MON2: variants seen among roughly 807,000 people sequenced by gnomAD.
The protein encoded by MON2 is MON2 regulator of endosome-to-Golgi trafficking.
A neutral mutation model predicts 208.6 loss-of-function variants in MON2; 84 were observed. The ratio of observed to expected loss-of-function variants is 0.40; its 90% CI spans 0.34 to 0.48. The LOEUF (loss-of-function observed/expected upper bound fraction) is 0.48. Ranked by LOEUF, MON2 falls within the 20% of genes least tolerant of loss-of-function variation. The pLI is 0.59. For synonymous variants in MON2, 660 were observed against 694.0 expected (o/e 0.95, Z 0.77); for missense variants, 1,611 against 2,015.4 (o/e 0.80, Z 3.84).
chr12:62,475,587 T>A (rs1179630128), intron 1 of MON2, among the ~76,000 whole-genome samples: 10 of 151,354 alleles, frequency 6.6e-5, no homozygotes, highest in Admixed American at 6.6e-4. Flanking sequence ...TTTAGTAATT[T>A]TGTATTTTAG....
At chr12:62,534,542 A>ATATATATAT (rs1306662466) in intron 12 of MON2, among the ~76,000 whole-genome samples, 3 of 22,852 alleles carry the variant, frequency 1.3e-4, no homozygotes, top group African/African-American at 5.9e-4. Context: ...AAAAAAAAAA[A>ATATATATAT]ATATATATAT....
chr12:62,565,511 T>G, intron 27 of MON2, 131 bp downstream of exon 27: 2 of 800,312 alleles, frequency 2.5e-6, no homozygotes, highest in South Asian at 4.0e-5. Flanking sequence ...TATACATGTC[T>G]GTTAGCAGTT....
intron 12 of MON2, among the ~76,000 whole-genome samples, chr12:62,533,546 C>T (rs1409713772): frequency 6.6e-6 from 1 of 152,136 alleles, no homozygotes; most frequent in Non-Finnish European, 1.5e-5. Context: ...TCAAGATGAC[C>T]CGTGTGTCCT....
rs764623360 is a variant in MON2, at chr12:62,535,695, C to T, written c.1886C>T (p.Thr629Ile). 2.3e-5 allele frequency: 37 copies of T among 1,609,438 alleles called. No homozygotes were observed. The highest frequency in any genetic ancestry group is 3.0e-5 in the Non-Finnish European group (35 of 1,177,990). The change falls in exon 14 of 35, where the codon ACA (threonine) becomes ATA (isoleucine). Residue 629 changes from threonine (T) to isoleucine (I), a missense_variant. Transcript: ENST00000393630. The stretch of plus-strand genomic sequence containing the variant: ...GTATTGAATACCACCACTGCAGCTA[C>T]ACTTTCCAACAAATGTAAGACAGGC... ...LTVLNTTTAA[T>I]LSNKSYSVQG...
intron 12 of MON2, 33 bp from the exon 13 acceptor site, chr12:62,534,812 A>G: frequency 6.7e-7 from 1 of 1,500,560 alleles, no homozygotes; most frequent in Non-Finnish European, 9.3e-7. Context: ...ATCTATAATT[A>G]AAATTAAATA....
Position 62,566,507 on chromosome 12 carries a change from T to A in MON2, c.4323+57T>A. The A allele has an allele frequency of 2.7e-6, 4 of 1,470,812 alleles. No individual in the cohort carries two copies. In the South Asian group the frequency reaches 3.8e-5, roughly 14 times the overall value. The allele number at this position is 1,470,812 out of a possible 1,614,324, so 91.1% of individuals were successfully genotyped here. On this transcript the variant is annotated intron_variant, in intron 29 of 34. Transcript: ENST00000393630. Reference sequence around the variant, plus strand: ...GATGGTGTGAACATTATTGAAATTATTCCTTAGGTAATACATTATCATTAT... The same window carrying A: ...GATGGTGTGAACATTATTGAAATTAATCCTTAGGTAATACATTATCATTAT...
intron 8 of MON2, among the ~76,000 whole-genome samples, chr12:62,512,657 C>G (rs1046851267): frequency 1.3e-5 from 2 of 152,190 alleles, no homozygotes; most frequent in Admixed American, 6.5e-5. Context: ...GTTGGTGAAT[C>G]TGTCATTCTG....
chr12:62,566,189 A>T (rs943540370), intron 28 of MON2, 133 bp from the exon 29 acceptor site: 9 of 1,343,090 alleles, frequency 6.7e-6, no homozygotes, highest in Non-Finnish European at 9.2e-6. Context: ...CTCTTTGAAA[A>T]CTTTGCATGT....
intron 10 of MON2, 102 bp from the exon 11 acceptor site, chr12:62,525,845 GCA>G (rs2072302020): frequency 1.0e-6 from 1 of 993,078 alleles, no homozygotes; most frequent in Admixed American, 2.3e-5. Flanking sequence ...CATTCTGATA[GCA>G]CAGAAATTTT....
chr12:62,500,818 A>G lies in MON2; in HGVS notation c.601A>G (p.Ser201Gly), dbSNP rs757284923. Residue 201 changes from serine (S) to glycine (G), a missense_variant, in exon 6 of 35, where the codon AGT becomes GGT. Coordinates refer to ENST00000393630, the MANE Select transcript of MON2 (RefSeq NM_015026.3). ...ACAACCAGTACTGGTACAAGGAAAT[A>G]GTAACAGAAGATCTGTCAGTACCCT... is the stretch of plus-strand genomic sequence containing the variant. Reference protein sequence around the residue: ...IEQPVLVQGNSNRRSVSTLKP... With the variant: ...IEQPVLVQGNGNRRSVSTLKP... 3.1e-6 allele frequency: 5 copies of G among 1,597,784 alleles called. No homozygotes were observed. The Admixed American group carries it at 7.0e-5, about 22-fold the overall frequency.
chr12:62,576,856 T>C (rs954060609), intron 30 of MON2, among the ~76,000 whole-genome samples: 6 of 151,742 alleles, frequency 4.0e-5, no homozygotes, highest in Non-Finnish European at 8.8e-5. Flanking sequence ...TGATATATGA[T>C]CCAAATAATA....
At position 62,581,821 on chromosome 12, in the gene MON2, CTG is replaced by C. The variant is rs1438355559; in HGVS notation, c.4699+1403_4699+1404del. 2.0e-5 allele frequency among the ~76,000 whole-genome samples: 3 copies of C among 152,270 alleles called. No individual in the cohort carries two copies. In the East Asian group the frequency reaches 5.8e-4, roughly 29 times the overall value. ...CTCCAGCCTGGGCGACAGAGCGAGACTGTCTCAAAAACAAAAAAGAAAAAAGA... is the reference window on the plus strand; with the variant it reads ...CTCCAGCCTGGGCGACAGAGCGAGACTCTCAAAAACAAAAAAGAAAAAAGA... On this transcript the variant is annotated intron_variant, in intron 32 of 34. Transcript: ENST00000393630.
intron 21 of MON2, chr12:62,545,746 G>A (rs1160242826): frequency 6.6e-6 from 1 of 151,588 alleles, no homozygotes; most frequent in Non-Finnish European, 1.5e-5. Context: ...TTGTACTCTA[G>A]AAATTGATTT....
intron 1 of MON2, among the ~76,000 whole-genome samples, chr12:62,480,963 C>T (rs1437369482): frequency 1.3e-5 from 2 of 152,202 alleles, no homozygotes; most frequent in East Asian, 3.8e-4. Flanking sequence ...TTAATTTCCA[C>T]TGCCTCAGTA....
chr12:62,545,062 C>T, intron 21 of MON2, 54 bp downstream of exon 21: 2 of 1,169,756 alleles, frequency 1.7e-6, no homozygotes, highest in Non-Finnish European at 2.4e-6. Context: ...TTATCCTCCT[C>T]CATATGTGAT....
At chr12:62,537,906 C>A (rs945978698) in intron 16 of MON2, among the ~76,000 whole-genome samples, 190 bp from the exon 17 acceptor site, 2 of 152,116 alleles carry the variant, frequency 1.3e-5, no homozygotes, top group African/African-American at 4.8e-5. Flanking sequence ...GGCCTAAGCT[C>A]TGCTGCATAT....
In MON2 at chr12:62,593,264, C is replaced by T. The variant is rs1244578341; in HGVS notation, c.*515C>T. 6.6e-6 allele frequency: 1 copy of T among 152,668 alleles called. No homozygotes were observed. Among genetic ancestry groups the T allele is most frequent in the African/African-American group, 2.4e-5 (1 of 41,410 alleles). 9.5% of individuals were successfully genotyped at this position (152,668 alleles called of 1,614,324 possible). A position where few individuals can be genotyped will look rare whatever the true frequency, so the allele number is the denominator to read the frequency against. On this transcript the variant is annotated 3_prime_UTR_variant, in exon 35 of 35. Coordinates refer to ENST00000393630, the MANE Select transcript of MON2 (RefSeq NM_015026.3). The stretch of plus-strand genomic sequence containing the variant: ...ATACTTGTGTGTATAATAAATGGTA[C>T]AGTTCTGTATAAAATAGTGCATTTA...
At chr12:62,553,364 T>G (rs1565678199) in intron 24 of MON2, 190 bp downstream of exon 24, 8 of 517,202 alleles carry the variant, frequency 1.5e-5, no homozygotes. Flanking sequence ...TTAACAGCCT[T>G]ATCTCTGTTT....
In MON2 at chr12:62,508,379, A is replaced by ACCT; in HGVS notation, c.885_887dup (p.Ser298dup). ...TATAAAGTTCAGACAAGGTTCCAGC[A>ACCT]CCTCATCTTCTCCAGCACCAGTTGA... is the stretch of plus-strand genomic sequence containing the variant. On this transcript the variant is annotated inframe_insertion, in exon 8 of 35. Transcript: ENST00000393630. The ACCT allele has an allele frequency of 1.9e-6, 3 of 1,614,008 alleles. No individual in the cohort carries two copies. Among genetic ancestry groups the ACCT allele is most frequent in the Non-Finnish European group, 2.5e-6 (3 of 1,179,884 alleles).
Sources: allele counts gnomAD v4.1 joint callset (sites outside exome capture counted in the v4.1 genomes callset), GRCh38; gene constraint gnomAD v4.1.1; transcripts MANE v1.5; gene names NCBI Gene and HGNC (gene_info 2026-07-23, HGNC 2026-07-21).